The following NME7 variants were observed in gnomAD, a reference collection of about 807,000 sequenced individuals.
NME7 encodes the protein nucleoside diphosphate kinase 7.
NME7 carries 41 observed loss-of-function variants against 49.1 expected under a neutral mutation model. That is an observed-to-expected ratio of 0.83 (90% CI 0.65 to 1.08). The LOEUF is 1.08. Among genes scored for constraint, NME7 ranks in the 50% least tolerant of loss-of-function variants. NME7 has a pLI of 0.00. For missense variants in NME7, 423 were observed against 463.4 expected (o/e 0.91, Z 0.80); for synonymous variants, 139 against 150.6 (o/e 0.92, Z 0.56).
chr1:169,300,901 G>T (rs1232034181), intron 5 of NME7, among the ~76,000 whole-genome samples: 1 of 152,032 alleles, frequency 6.6e-6, no homozygotes, highest in African/African-American at 2.4e-5. Context: ...AAAGAAACTG[G>T]CCCCTTAACA....
chr1:169,262,729 G>A lies in NME7; in HGVS notation c.754+24574C>T, dbSNP rs1338787603. ...CAGGGGGACTCACCCTTACCACATG[G>A]ACCCATGCAAGACTGAGAAGGAGAG... On this transcript the variant is annotated intron_variant, in intron 7 of 11. Transcript: ENST00000367811. 1.5e-5 allele frequency among the ~76,000 whole-genome samples: 2 copies of A among 133,590 alleles called. 1 individual carries two copies. Among genetic ancestry groups the A allele is most frequent in the Non-Finnish European group, 3.5e-5 (2 of 56,796 alleles). 87.6% of individuals were successfully genotyped at this position (133,590 alleles called of 152,430 possible).
intron 9 of NME7, among the ~76,000 whole-genome samples, chr1:169,234,117 T>C (rs563454379): frequency 6.6e-6 from 1 of 152,300 alleles, no homozygotes; most frequent in African/African-American, 2.4e-5. Context: ...ACATGTTCCT[T>C]CAAAAATTGA....
At chr1:169,221,432 A>G (rs1238613553) in intron 10 of NME7, among the ~76,000 whole-genome samples, 6 of 151,994 alleles carry the variant, frequency 3.9e-5, no homozygotes. Context: ...TGCTCATTAC[A>G]TGGTGTTTCT....
intron 5 of NME7, among the ~76,000 whole-genome samples, 156 bp from the exon 6 acceptor site, chr1:169,298,919 A>T (rs1320373687): frequency 6.6e-6 from 1 of 152,172 alleles, no homozygotes; most frequent in Non-Finnish European, 1.5e-5. Flanking sequence ...TGGGCAGGAG[A>T]AATTTTTCAT....
chr1:169,258,952 G>C (rs1236133827), intron 7 of NME7, among the ~76,000 whole-genome samples: 1 of 133,352 alleles, frequency 7.5e-6, no homozygotes, highest in East Asian at 2.0e-4. Context: ...TAATCCAAGT[G>C]ATCCTGATGC....
intron 10 of NME7, among the ~76,000 whole-genome samples, chr1:169,223,784 TATAGAGAG>T (rs1329257647): frequency 6.6e-6 from 1 of 150,618 alleles, no homozygotes; most frequent in Non-Finnish European, 1.5e-5. Context: ...CATATATATA[TATAGAGAG>T]AGAGAGAGAG....
chr1:169,211,704 T>C (rs539505611), intron 10 of NME7, among the ~76,000 whole-genome samples: 1 of 152,256 alleles, frequency 6.6e-6, no homozygotes, highest in East Asian at 1.9e-4. Flanking sequence ...CCAGTTATGA[T>C]ACTTAATGGC....
intron 11 of NME7, among the ~76,000 whole-genome samples, chr1:169,142,829 A>G (rs1226189592): frequency 6.6e-6 from 1 of 152,162 alleles, no homozygotes; most frequent in Non-Finnish European, 1.5e-5. Flanking sequence ...TCATTCTCGC[A>G]TGGCATCCTG....
intron 11 of NME7, among the ~76,000 whole-genome samples, chr1:169,134,264 C>A (rs1658354865): frequency 6.6e-6 from 1 of 152,200 alleles, no homozygotes; most frequent in Admixed American, 6.5e-5. Context: ...TAGTGTTAAC[C>A]ATTTGCATAT....
At chr1:169,355,900 TC>T (rs1316491821) in intron 1 of NME7, among the ~76,000 whole-genome samples, 2 of 152,158 alleles carry the variant, frequency 1.3e-5, no homozygotes, top group Admixed American at 1.3e-4. Context: ...TGCCTGGCAC[TC>T]AAGAGAAACT....
At position 169,135,014 on chromosome 1, in the gene NME7, C is replaced by CAAAAAAAAAAA. The variant is rs58463903; in HGVS notation, c.1099-2208_1099-2198dup. On this transcript the variant is annotated intron_variant, in intron 11 of 11. Transcript: ENST00000367811. Reference sequence around the variant, plus strand: ...ACATAAGGAGATCCCCCCGTCTCTACAAAAAAAAAAAAAAAAAAAAAAAAA... The same window carrying CAAAAAAAAAAA: ...ACATAAGGAGATCCCCCCGTCTCTACAAAAAAAAAAAAAAAAAAAAAAAAAAAAAAAAAAAA... Among the ~76,000 whole-genome samples, 181 of 50,372 alleles carry CAAAAAAAAAAA rather than the reference C, an allele frequency of 3.6e-3. 13 individuals are homozygous for CAAAAAAAAAAA. Among genetic ancestry groups the CAAAAAAAAAAA allele is most frequent in the Non-Finnish European group, 4.6e-3 (125 of 27,000 alleles). The allele number at this position is 50,372 out of a possible 152,430, so 33.0% of individuals were successfully genotyped here.
intron 11 of NME7, among the ~76,000 whole-genome samples, chr1:169,152,684 T>G (rs1658945997): frequency 6.6e-6 from 1 of 152,182 alleles, no homozygotes; most frequent in African/African-American, 2.4e-5. Flanking sequence ...ATAGATCACT[T>G]GAAGGAGAAG....
intron 7 of NME7, among the ~76,000 whole-genome samples, chr1:169,257,125 A>T (rs1648976535): frequency 7.4e-6 from 1 of 134,870 alleles, no homozygotes; most frequent in South Asian, 2.3e-4. Flanking sequence ...TTGTTTACCT[A>T]ATCAAGCCTG....
At chr1:169,175,854 A>G (rs568232547) in intron 10 of NME7, among the ~76,000 whole-genome samples, 2 of 152,280 alleles carry the variant, frequency 1.3e-5, no homozygotes, top group South Asian at 4.1e-4. Context: ...ACAGCTGTGA[A>G]ACAATGTTAC....
At chr1:169,200,754 T>C (rs1223691959) in intron 10 of NME7, among the ~76,000 whole-genome samples, 1 of 152,144 alleles carries the variant, frequency 6.6e-6, no homozygotes, top group Non-Finnish European at 1.5e-5. Context: ...GAAATCACAA[T>C]AGAAGCTCTT....
At chr1:169,359,119 CT>C (rs1444055433) in intron 1 of NME7, among the ~76,000 whole-genome samples, 2 of 152,174 alleles carry the variant, frequency 1.3e-5, no homozygotes, top group Non-Finnish European at 2.9e-5. Flanking sequence ...GCTCAAGTCC[CT>C]TACATACAAT....
At chr1:169,309,851 T>C (rs1651316118) in intron 4 of NME7, 119 bp downstream of exon 4, 1 of 633,880 alleles carries the variant, frequency 1.6e-6, no homozygotes, top group Non-Finnish European at 2.6e-6. Context: ...TAAGTTACTA[T>C]TCTATTCTTT....
In NME7 at chr1:169,132,533, GT is replaced by G. The variant is rs1658260534; in HGVS notation, c.*251del. 1 of 432,028 alleles carries G rather than the reference GT, an allele frequency of 2.3e-6. No individual in the cohort carries two copies. Among genetic ancestry groups the G allele is most frequent in the Non-Finnish European group, 4.1e-6 (1 of 246,392 alleles). 26.8% of individuals were successfully genotyped at this position (432,028 alleles called of 1,614,324 possible). On this transcript the variant is annotated 3_prime_UTR_variant, in exon 12 of 12. Coordinates refer to ENST00000367811, the MANE Select transcript of NME7 (RefSeq NM_013330.5). ...TGTATGAAATAAACCAAAGTCACTTGTTTGAAAATAAATCTTTATTTTGAAC... is the reference window on the plus strand; with the variant it reads ...TGTATGAAATAAACCAAAGTCACTTGTTGAAAATAAATCTTTATTTTGAAC...
intron 6 of NME7, among the ~76,000 whole-genome samples, chr1:169,293,328 A>G (rs553481363): frequency 1.3e-5 from 2 of 151,714 alleles, no homozygotes; most frequent in Non-Finnish European, 2.9e-5. Context: ...AATTGTAGTC[A>G]GTTCAGTTTC....
Sources: allele counts gnomAD v4.1 joint callset (sites outside exome capture counted in the v4.1 genomes callset), GRCh38; gene constraint gnomAD v4.1.1; transcripts MANE v1.5; gene names NCBI Gene and HGNC (gene_info 2026-07-23, HGNC 2026-07-21).